The following DHRS1 variants were observed in gnomAD, a reference collection of about 807,000 sequenced individuals.
DHRS1 encodes the protein dehydrogenase/reductase 1.
A neutral mutation model predicts 35.2 loss-of-function variants in DHRS1; 34 were observed. The observed-to-expected ratio is 0.97, with a 90% CI of 0.74 to 1.29. DHRS1 has a LOEUF of 1.29. DHRS1 is among the 50% of genes most tolerant of loss of function. DHRS1 has a pLI of 0.00. For missense variants in DHRS1, 354 were observed against 403.6 expected (o/e 0.88, Z 1.05); for synonymous variants, 133 against 160.0 (o/e 0.83, Z 1.27).
chr14:24,295,405 T>C (rs2041232700), intron 4 of DHRS1, among the ~76,000 whole-genome samples: 1 of 151,930 alleles, frequency 6.6e-6, no homozygotes, highest in African/African-American at 2.4e-5. Context: ...TGAAAACAAG[T>C]AGAGTTATAG....
intron 2 of DHRS1, chr14:24,298,701 G>C: frequency 5.1e-6 from 2 of 394,520 alleles, no homozygotes; most frequent in Non-Finnish European, 9.3e-6. Context: ...CTCAGCCTCC[G>C]GAGTAGCTGC....
At chr14:24,291,270 GAC>G (rs775285045) in intron 7 of DHRS1, 51 bp from the exon 8 acceptor site, 6 of 1,587,462 alleles carry the variant, frequency 3.8e-6, no homozygotes, top group African/African-American at 1.3e-5. Context: ...TATGCAGAGT[GAC>G]AAGGTTTGGG....
At position 24,296,864 on chromosome 14, in the gene DHRS1, G is replaced by A. The variant is rs2041258359; in HGVS notation, c.168C>T (p.Gly56=). 3 of 1,614,062 alleles carry A rather than the reference G, an allele frequency of 1.9e-6. No homozygotes were observed. The highest frequency in any genetic ancestry group is 1.3e-5 in the African/African-American group (1 of 74,910). The part of the protein sequence containing the change: ...VVAQEAQSLG[G]QCVPVVCDSS... Reference sequence around the variant, plus strand: ...AATCGCACACCACAGGCACACATTGGCCCCCGAGGGATTGTGCCTGGAGTA... The same window carrying A: ...AATCGCACACCACAGGCACACATTGACCCCCGAGGGATTGTGCCTGGAGTA... The change falls in exon 3 of 9, where the codon GGC becomes GGT. Residue 56 remains glycine (G), a synonymous_variant. Transcript: ENST00000288111.
At position 24,290,689 on chromosome 14, in the gene DHRS1, A is replaced by G. The variant is rs2041142503; in HGVS notation, c.*170T>C. The G allele has an allele frequency of 1.4e-6, 1 of 717,372 alleles. No individual in the cohort carries two copies. Among genetic ancestry groups the G allele is most frequent in the Non-Finnish European group, 2.3e-6 (1 of 440,890 alleles). 44.4% of individuals were successfully genotyped at this position (717,372 alleles called of 1,614,324 possible). ...AGAAGGACAAGGAAAACCAAGGCAC[A>G]AAGAAGGGACCTAGGCGCACCCCAG... On this transcript the variant is annotated 3_prime_UTR_variant, in exon 9 of 9. Transcript: ENST00000288111.
Position 24,292,236 on chromosome 14 carries a change from A to G in DHRS1, c.602T>C (p.Leu201Pro). 6.2e-7 allele frequency: 1 copy of G among 1,614,102 alleles called. No homozygotes were observed. Among genetic ancestry groups the G allele is most frequent in the Non-Finnish European group, 8.5e-7 (1 of 1,180,024 alleles). Residue 201 changes from leucine to proline, a missense_variant, in exon 6 of 9, where the codon CTG (leucine) becomes CCG (proline). Coordinates refer to ENST00000288111, the MANE Select transcript of DHRS1 (RefSeq NM_001136050.3). ...LWPGIVQTEL[L>P]KEHMAKEEVL... ...CTCCTCCTTTGCCATATGCTCCTTC[A>G]GCAGTTCTGTCTGCACAATCCCCGG...
intron 7 of DHRS1, 135 bp from the exon 8 acceptor site, chr14:24,291,354 G>T: frequency 2.6e-6 from 3 of 1,134,756 alleles, no homozygotes; most frequent in Non-Finnish European, 4.0e-6. Flanking sequence ...CTTGGGCCTT[G>T]GACTTTTTCC....
In DHRS1 at chr14:24,292,643, G is replaced by C; in HGVS notation, c.507+9C>G. On this transcript the variant is annotated intron_variant, in intron 5 of 8. Transcript: ENST00000288111. ...TACCTCCTCAGCTCCTATGCCACTG[G>C]GTCCTCACCGCAGCTTTGCCCACAC... is the stretch of plus-strand genomic sequence containing the variant. The C allele has an allele frequency of 6.2e-7, 1 of 1,614,168 alleles. No homozygotes were observed. The highest frequency in any genetic ancestry group is 8.5e-7 in the Non-Finnish European group (1 of 1,180,032).
rs763435934 is a variant in DHRS1, at chr14:24,292,796, G to A, written c.375-12C>T. On this transcript the variant is annotated splice_polypyrimidine_tract_variant and intron_variant, in intron 4 of 8. Transcript: ENST00000288111. The stretch of plus-strand genomic sequence containing the variant: ...AAAAGTAGTGGCCTCTAGAAGGTGG[G>A]GCAAGGGAAGAAGGAATGAACCGTG... 1 of 1,607,938 alleles carries A rather than the reference G, an allele frequency of 6.2e-7. No homozygotes were observed. The highest frequency in any genetic ancestry group is 8.5e-7 in the Non-Finnish European group (1 of 1,177,456).
At position 24,292,688 on chromosome 14, in the gene DHRS1, A is replaced by C. The variant is rs1169068596; in HGVS notation, c.471T>G (p.Tyr157Ter). 1 of 1,614,206 alleles carries C rather than the reference A, an allele frequency of 6.2e-7. No individual in the cohort carries two copies. Among genetic ancestry groups the C allele is most frequent in the Admixed American group, 1.7e-5 (1 of 60,030 alleles). The change falls in exon 5 of 9, where the codon TAT (tyrosine) becomes TAG (stop). Residue 157 changes from tyrosine (Y) to a stop codon, truncating the protein, a stop_gained. Coordinates refer to ENST00000288111, the MANE Select transcript of DHRS1 (RefSeq NM_001136050.3). LOFTEE classifies it high-confidence loss of function. ...VVISSPGSLQ[Y>*]MFNVPYGVGK... is the part of the protein sequence containing the mutation. ...CCACACCATAGGGGACATTGAACAT[A>C]TACTGCAGGCTTCCTGGGGAGGAGA...
At position 24,291,443 on chromosome 14, in the gene DHRS1, G is replaced by GA. The variant is rs372996341; in HGVS notation, c.724+112dup. The GA allele has an allele frequency of 2.6e-4, 333 of 1,263,248 alleles. 1 individual carries two copies. The African/African-American group carries it at 4.2e-3, about 16-fold the overall frequency. The allele number at this position is 1,263,248 out of a possible 1,614,324, so 78.3% of individuals were successfully genotyped here. ...GACCCCTTGGGCCTCAAAAAGCAGAGAAAAGAATGACATGTTCCTCAACCA... is the reference window on the plus strand; with the variant it reads ...GACCCCTTGGGCCTCAAAAAGCAGAGAAAAAGAATGACATGTTCCTCAACCA... On this transcript the variant is annotated intron_variant, in intron 7 of 8. Coordinates refer to ENST00000288111, the MANE Select transcript of DHRS1 (RefSeq NM_001136050.3).
rs566324526 is a variant in DHRS1, at chr14:24,296,826, C to T, written c.206G>A (p.Ser69Asn). 10 of 1,614,268 alleles carry T rather than the reference C, an allele frequency of 6.2e-6. No homozygotes were observed. In the Admixed American group the frequency reaches 1.5e-4, roughly 24 times the overall value. The change falls in exon 3 of 9, where the codon AGT (serine) becomes AAT (asparagine). Residue 69 changes from serine (S) to asparagine (N), a missense_variant. Ser to Asn is a conservative substitution (Grantham distance 46). Coordinates refer to ENST00000288111, the MANE Select transcript of DHRS1 (RefSeq NM_001136050.3). ...VPVVCDSSQE[S>N]EVRSLFEQVD... ...TTGCTCAAACAGGCTTCGCACTTCA[C>T]TCTCCTGGCTTGAATCGCACACCAC...
intron 2 of DHRS1, among the ~76,000 whole-genome samples, chr14:24,297,572 A>G (rs1291163585): frequency 6.6e-6 from 1 of 152,164 alleles, no homozygotes; most frequent in African/African-American, 2.4e-5. Flanking sequence ...TCTGCCTTAA[A>G]TTAATTCTTC....
Position 24,291,122 on chromosome 14 carries a change from T to C in DHRS1, c.805+17A>G, listed in dbSNP as rs1359145923. ...GGGAACAGCAGTCAAGGCTGACTGC[T>C]GTGCCAGGGTCCTCACCGTCCACAT... is the stretch of plus-strand genomic sequence containing the variant. On this transcript the variant is annotated intron_variant, in intron 8 of 8. Coordinates refer to ENST00000288111, the MANE Select transcript of DHRS1 (RefSeq NM_001136050.3). 1 of 1,614,084 alleles carries C rather than the reference T, an allele frequency of 6.2e-7. No individual in the cohort carries two copies. The highest frequency in any genetic ancestry group is 1.7e-5 in the Admixed American group (1 of 60,020).
At chr14:24,291,059 G>C in intron 8 of DHRS1, 64 bp from the exon 9 acceptor site, 1 of 1,613,348 alleles carries the variant, frequency 6.2e-7, no homozygotes, top group Non-Finnish European at 8.5e-7. Context: ...CCCTCACCTT[G>C]GCTGGAGAGA....
rs2041165804 is a variant in DHRS1, at chr14:24,292,048, A to T, written c.654+136T>A. On this transcript the variant is annotated intron_variant, in intron 6 of 8. Coordinates refer to ENST00000288111, the MANE Select transcript of DHRS1 (RefSeq NM_001136050.3). ...GGTATCTCCCTTACAGGATTAAAGG[A>T]AATAATGTGTGTCCCATGCTCAGCC... is the stretch of plus-strand genomic sequence containing the variant. 3.6e-6 allele frequency: 4 copies of T among 1,113,482 alleles called. No individual in the cohort carries two copies. In the Middle Eastern group the frequency reaches 6.1e-4, roughly 171 times the overall value. 69.0% of individuals were successfully genotyped at this position (1,113,482 alleles called of 1,614,324 possible). A position where few individuals can be genotyped will look rare whatever the true frequency, so the allele number is the denominator to read the frequency against.
chr14:24,296,830 C>T lies in DHRS1; in HGVS notation c.202G>A (p.Glu68Lys). 6.2e-7 allele frequency: 1 copy of T among 1,614,222 alleles called. No individual in the cohort carries two copies. Among genetic ancestry groups the T allele is most frequent in the Non-Finnish European group, 8.5e-7 (1 of 1,180,042 alleles). ...CVPVVCDSSQESEVRSLFEQV... is the reference protein window; with the variant it reads ...CVPVVCDSSQKSEVRSLFEQV... ...TCAAACAGGCTTCGCACTTCACTCT[C>T]CTGGCTTGAATCGCACACCACAGGC... The change falls in exon 3 of 9, where the codon GAG (glutamate) becomes AAG (lysine). Residue 68 changes from glutamate to lysine, a missense_variant. Coordinates refer to ENST00000288111, the MANE Select transcript of DHRS1 (RefSeq NM_001136050.3).
At chr14:24,293,885 G>GGT (rs1393269844) in intron 4 of DHRS1, 1 of 152,162 alleles carries the variant, frequency 6.6e-6, no homozygotes, top group Non-Finnish European at 1.5e-5. Context: ...ATGCAATACA[G>GGT]GTGTTAACAG....
intron 7 of DHRS1, 70 bp from the exon 8 acceptor site, chr14:24,291,289 T>G: frequency 6.7e-7 from 1 of 1,496,418 alleles, no homozygotes; most frequent in South Asian, 1.1e-5. Context: ...TGGGCCCAGT[T>G]GGACAGGGCA....
chr14:24,299,634 C>G lies in DHRS1; in HGVS notation c.-78G>C. On this transcript the variant is annotated 5_prime_UTR_variant, in exon 1 of 9. Coordinates refer to ENST00000288111, the MANE Select transcript of DHRS1 (RefSeq NM_001136050.3). ...CAGATTGCGGGGCTGCGGTGGAAGT[C>G]TGGGTTCTCGCCCAGATTGAGCCGG... 1 of 316,030 alleles carries G rather than the reference C, an allele frequency of 3.2e-6. No individual in the cohort carries two copies. Among genetic ancestry groups the G allele is most frequent in the East Asian group, 5.2e-5 (1 of 19,056 alleles). 19.6% of individuals were successfully genotyped at this position (316,030 alleles called of 1,614,324 possible). A position where few individuals can be genotyped will look rare whatever the true frequency, so the allele number is the denominator to read the frequency against.
Sources: gnomAD v4.1 joint callset for allele counts (sites outside exome capture counted in the v4.1 genomes callset) on GRCh38, gnomAD v4.1.1 for gene constraint, MANE v1.5 for transcripts, NCBI Gene and HGNC (gene_info 2026-07-23, HGNC 2026-07-21) for gene names.